The following SGCZ variants were observed in gnomAD, a reference collection of about 807,000 sequenced individuals.
SGCZ encodes sarcoglycan zeta, also known as zeta-sarcoglycan.
SGCZ carries 40 observed loss-of-function variants against 41.3 expected under a neutral mutation model. The observed-to-expected ratio is 0.97, with a 90% CI of 0.75 to 1.26. SGCZ has a LOEUF of 1.26. Ranked by LOEUF, SGCZ falls within the 50% of genes most tolerant of loss-of-function variation. SGCZ has a pLI of 0.00. For missense variants in SGCZ, 552 were observed against 369.8 expected (o/e 1.49, Z -4.04); for synonymous variants, 206 against 137.5 (o/e 1.50, Z -3.49).
chr8:14,671,062 A>G (rs1253807588), intron 1 of SGCZ, among the ~76,000 whole-genome samples: 1 of 152,186 alleles, frequency 6.6e-6, no homozygotes, highest in Non-Finnish European at 1.5e-5. Flanking sequence ...TCCACTGCGC[A>G]TTCATTTTCC....
In SGCZ at chr8:14,854,009, T is replaced by C. The variant is rs558535444; in HGVS notation, c.40-299083A>G. Among the ~76,000 whole-genome samples the C allele has an allele frequency of 3.7e-4, 45 of 122,810 alleles. No individual in the cohort carries two copies. The South Asian group carries it at 0.012, about 33-fold the overall frequency. The allele number at this position is 122,810 out of a possible 152,430, so 80.6% of individuals were successfully genotyped here. A position where few individuals can be genotyped will look rare whatever the true frequency, so the allele number is the denominator to read the frequency against. ...TTCATTTTGTAACGACATCAGTTTC[T>C]ATGTGATTATATTATATATATATAT... On this transcript the variant is annotated intron_variant, in intron 1 of 7. Transcript: ENST00000382080.
intron 5 of SGCZ, among the ~76,000 whole-genome samples, chr8:14,132,375 A>C (rs1453865826): frequency 1.3e-5 from 2 of 152,174 alleles, no homozygotes; most frequent in Non-Finnish European, 2.9e-5. Context: ...CAAATTTCAA[A>C]GGCACAGAAG....
chr8:14,925,125 T>C (rs141298208), intron 1 of SGCZ, among the ~76,000 whole-genome samples: 4 of 152,326 alleles, frequency 2.6e-5, no homozygotes, highest in African/African-American at 9.6e-5. Context: ...CCCAAAGTGC[T>C]GGGATTATAG....
intron 4 of SGCZ, among the ~76,000 whole-genome samples, chr8:14,204,558 G>A (rs1034533362): frequency 1.3e-5 from 2 of 152,092 alleles, no homozygotes; most frequent in African/African-American, 4.8e-5. Context: ...TTGAGAGCTG[G>A]TAAAGCATTA....
chr8:14,259,296 C>A (rs974184690), intron 3 of SGCZ, among the ~76,000 whole-genome samples: 1 of 152,092 alleles, frequency 6.6e-6, no homozygotes, highest in Non-Finnish European at 1.5e-5. Flanking sequence ...AAACACTATG[C>A]AGAAGCTCTT....
intron 1 of SGCZ, among the ~76,000 whole-genome samples, chr8:14,695,617 T>A (rs1481276295): frequency 2.0e-5 from 3 of 152,036 alleles, no homozygotes; most frequent in Non-Finnish European, 4.4e-5. Context: ...GAGAGTTTGA[T>A]TATAGTTAAA....
chr8:14,431,305 T>C (rs887612623), intron 2 of SGCZ, among the ~76,000 whole-genome samples: 2 of 151,982 alleles, frequency 1.3e-5, no homozygotes, highest in African/African-American at 4.8e-5. Flanking sequence ...TAAGATCTTA[T>C]TCACCCGAAT....
chr8:14,212,731 G>A (rs1805859752), intron 4 of SGCZ, among the ~76,000 whole-genome samples: 1 of 152,044 alleles, frequency 6.6e-6, no homozygotes, highest in African/African-American at 2.4e-5. Flanking sequence ...AACAACTGAA[G>A]CCAACATTGA....
At chr8:14,318,250 G>T (rs1167960378) in intron 3 of SGCZ, among the ~76,000 whole-genome samples, 2 of 151,584 alleles carry the variant, frequency 1.3e-5, no homozygotes, top group African/African-American at 4.8e-5. Flanking sequence ...AGGGAGAAGG[G>T]CAAGAAAAGG....
chr8:15,202,273 A>G (rs1800914518), intron 1 of SGCZ, among the ~76,000 whole-genome samples: 1 of 152,226 alleles, frequency 6.6e-6, no homozygotes, highest in African/African-American at 2.4e-5. Flanking sequence ...GAGTGAATAA[A>G]GAAAATGTGG....
At chr8:14,482,277 G>A (rs1801555083) in intron 2 of SGCZ, among the ~76,000 whole-genome samples, 1 of 152,286 alleles carries the variant, frequency 6.6e-6, no homozygotes, top group South Asian at 2.1e-4. Context: ...TCTCAAGACT[G>A]CGTAAACCTG....
chr8:15,152,999 A>G (rs1310599605), intron 1 of SGCZ, among the ~76,000 whole-genome samples: 2 of 152,214 alleles, frequency 1.3e-5, no homozygotes, highest in Non-Finnish European at 2.9e-5. Flanking sequence ...ATCAGAGGTT[A>G]TTATGAAACT....
intron 1 of SGCZ, among the ~76,000 whole-genome samples, chr8:14,986,948 G>A (rs1801844008): frequency 6.6e-6 from 1 of 151,822 alleles, no homozygotes; most frequent in Non-Finnish European, 1.5e-5. Flanking sequence ...AAAAATTAAA[G>A]GAGGAGAATA....
chr8:14,665,162 C>T (rs146693942), intron 1 of SGCZ, among the ~76,000 whole-genome samples: 7,404 of 152,184 alleles, frequency 0.049, 299 homozygotes, highest in African/African-American at 0.11. Flanking sequence ...TCCCTCCCCC[C>T]TCTCCCCACC....
intron 1 of SGCZ, among the ~76,000 whole-genome samples, chr8:14,675,935 G>T (rs1337787911): frequency 1.2e-4 from 19 of 152,156 alleles, no homozygotes. Flanking sequence ...TGAGAATTTT[G>T]ACCAGAATAG....
chr8:14,554,685 G>T, intron 2 of SGCZ, 47 bp downstream of exon 2: 1 of 1,498,078 alleles, frequency 6.7e-7, no homozygotes, highest in African/African-American at 1.4e-5. Context: ...GAGCTAGATT[G>T]TCTCTGAACC....
intron 1 of SGCZ, among the ~76,000 whole-genome samples, chr8:14,632,090 C>G (rs929492277): frequency 6.6e-6 from 1 of 152,088 alleles, no homozygotes; most frequent in Admixed American, 6.6e-5. Context: ...ACAATCACAG[C>G]TCATTGCTGC....
chr8:14,648,359 C>T (rs1807291911), intron 1 of SGCZ, among the ~76,000 whole-genome samples: 1 of 151,982 alleles, frequency 6.6e-6, no homozygotes, highest in Non-Finnish European at 1.5e-5. Context: ...CAAGAAAATT[C>T]GTACTCACAC....
In SGCZ at chr8:14,135,766, C is replaced by T. The variant is rs375118798; in HGVS notation, c.548-27531G>A. Among the ~76,000 whole-genome samples the T allele has an allele frequency of 3.3e-5, 5 of 151,994 alleles. No individual in the cohort carries two copies. In the South Asian group the frequency reaches 6.2e-4, roughly 19 times the overall value. On this transcript the variant is annotated intron_variant, in intron 5 of 7. Transcript: ENST00000382080. Reference sequence around the variant, plus strand: ...CCAATTTTACATATCTTCCAAAAAACAGAAGAGGATAAAATACTAACTAGT... The same window carrying T: ...CCAATTTTACATATCTTCCAAAAAATAGAAGAGGATAAAATACTAACTAGT...
Sources: gnomAD v4.1 joint callset for allele counts (sites outside exome capture counted in the v4.1 genomes callset) on GRCh38, gnomAD v4.1.1 for gene constraint, MANE v1.5 for transcripts, NCBI Gene and HGNC (gene_info 2026-07-23, HGNC 2026-07-21) for gene names.